Variants in ESRRB observed in about 807,000 individuals in gnomAD.
The protein encoded by ESRRB is estrogen related receptor beta.
Under a neutral mutation model 46.0 loss-of-function variants are expected in ESRRB, and 16 were observed. The observed-to-expected ratio is 0.35, with a 90% confidence interval of 0.24 to 0.53. The LOEUF (loss-of-function observed/expected upper bound fraction) is 0.53. Among genes scored for constraint, ESRRB ranks in the 20% least tolerant of loss-of-function variants. The pLI is 0.93. For missense variants in ESRRB, 488 were observed against 607.4 expected (o/e 0.80, Z 2.07); for synonymous variants, 246 against 259.6 (o/e 0.95, Z 0.50).
At chr14:76,367,546 G>T (rs1301507791), upstream of ESRRB, among the ~76,000 whole-genome samples, 1 of 95,382 alleles carries the variant, frequency 1.0e-5, no homozygotes, top group Non-Finnish European at 2.9e-5. Context: ...GACAGGGGGC[G>T]ATCCTGTCTC....
chr14:76,388,745 G>A (rs1885347369), intron 1 of ESRRB, among the ~76,000 whole-genome samples: 1 of 152,208 alleles, frequency 6.6e-6, no homozygotes, highest in Non-Finnish European at 1.5e-5. Flanking sequence ...CCCATGCCCA[G>A]CCTCTGGAGG....
In ESRRB at chr14:76,364,578, G is replaced by A. The variant is rs748384648; in HGVS notation, c.2+53662G>A. Among the ~76,000 whole-genome samples the A allele has an allele frequency of 6.6e-5, 10 of 152,154 alleles. No homozygotes were observed. In the Middle Eastern group the frequency reaches 0.014, roughly 207 times the overall value. ...GTGGTGGTGCATGCCTGTAATCCCA[G>A]TTACTTGGGAGGCTGAGATGGGAAA... is the stretch of plus-strand genomic sequence containing the variant. On this transcript the variant is annotated intron_variant, in intron 1 of 6. Coordinates refer to the ESRRB transcript ENST00000512784.
At position 76,448,427 on chromosome 14, in the gene ESRRB, C is replaced by T. The variant is rs574955089; in HGVS notation, c.460+8677C>T. ...CACTGCAACCTCCGCCTCCCAGGTC[C>T]AAGTGATTCTTCTGCCTCAACCTCC... On this transcript the variant is annotated intron_variant, in intron 2 of 6. Transcript: ENST00000644823. Among the ~76,000 whole-genome samples the T allele has an allele frequency of 1.9e-4, 29 of 151,790 alleles. 1 individual carries two copies. In the South Asian group the frequency reaches 6.1e-3, roughly 32 times the overall value.
At chr14:76,332,468 C>CTA (rs1176493061) in intron 1 of ESRRB, among the ~76,000 whole-genome samples, 6 of 102,856 alleles carry the variant, frequency 5.8e-5, no homozygotes, top group African/African-American at 1.9e-4. Flanking sequence ...TATATATATT[C>CTA]TATATATATA....
chr14:76,445,719 C>T, intron 2 of ESRRB, among the ~76,000 whole-genome samples: 1 of 146,496 alleles, frequency 6.8e-6, no homozygotes. Flanking sequence ...GAGTCTCGCT[C>T]TGTCACCCAG....
chr14:76,393,310 G>A (rs143768655), intron 1 of ESRRB, among the ~76,000 whole-genome samples: 31 of 152,104 alleles, frequency 2.0e-4, no homozygotes, highest in African/African-American at 6.5e-4. Context: ...TCCAGTAGAC[G>A]CCCCTACTTG....
upstream of ESRRB, among the ~76,000 whole-genome samples, chr14:76,375,155 A>T (rs1245185122): frequency 4.9e-5 from 7 of 142,926 alleles, no homozygotes; most frequent in African/African-American, 1.8e-4. Context: ...TTCTATACCT[A>T]CCCCCCTCCC....
intron 2 of ESRRB, among the ~76,000 whole-genome samples, chr14:76,458,202 G>A (rs915092609): frequency 2.0e-5 from 3 of 152,004 alleles, no homozygotes; most frequent in Non-Finnish European, 2.9e-5. Flanking sequence ...TCAGCTGCAC[G>A]TGTGTGTGCT....
At chr14:76,352,825 C>A (rs1884329153) in intron 1 of ESRRB, among the ~76,000 whole-genome samples, 1 of 152,238 alleles carries the variant, frequency 6.6e-6, no homozygotes, top group African/African-American at 2.4e-5. Flanking sequence ...TTTCTGGGAA[C>A]GCGGGCTCTC....
At chr14:76,483,106 G>A (rs1459470336) in intron 5 of ESRRB, among the ~76,000 whole-genome samples, 1 of 152,184 alleles carries the variant, frequency 6.6e-6, no homozygotes, top group Non-Finnish European at 1.5e-5. Flanking sequence ...CTTATTGGAA[G>A]GATGCCAGAA....
intron 1 of ESRRB, among the ~76,000 whole-genome samples, chr14:76,397,359 C>CTGGGCAGCAGAACCTCCTGGAGTG (rs1885734604): frequency 6.6e-6 from 1 of 152,164 alleles, no homozygotes; most frequent in African/African-American, 2.4e-5. Context: ...CAGGGCCAGT[C>CTGGGCAGCAGAACCTCCTGGAGTG]TGGGCAGCAG....
chr14:76,420,828 T>C (rs1886925038), intron 1 of ESRRB, among the ~76,000 whole-genome samples: 1 of 152,146 alleles, frequency 6.6e-6, no homozygotes, highest in Non-Finnish European at 1.5e-5. Flanking sequence ...TCAAAGTTTC[T>C]AAATTCAGAG....
intron 1 of ESRRB, among the ~76,000 whole-genome samples, chr14:76,392,801 G>A (rs1341554225): frequency 2.6e-5 from 4 of 152,220 alleles, no homozygotes; most frequent in African/African-American, 7.2e-5. Flanking sequence ...TGTTCATGCT[G>A]TGCCAAGAGA....
chr14:76,469,926 GT>G (rs1356927268), intron 3 of ESRRB, among the ~76,000 whole-genome samples: 1 of 67,650 alleles, frequency 1.5e-5, no homozygotes, highest in Admixed American at 1.4e-4. Context: ...TGTGTTTTTT[GT>G]TGTTTTTTTT....
At chr14:76,377,274 G>A (rs1271092616) in intron 1 of ESRRB, among the ~76,000 whole-genome samples, 1 of 152,232 alleles carries the variant, frequency 6.6e-6, no homozygotes. Context: ...AGCGCAGAGT[G>A]GGAAAGTGAA....
intron 1 of ESRRB, among the ~76,000 whole-genome samples, chr14:76,428,272 A>T (rs563392243): frequency 6.6e-6 from 1 of 152,282 alleles, no homozygotes; most frequent in African/African-American, 2.4e-5. Flanking sequence ...CGCTGGGATT[A>T]CAGGTGTGAG....
At chr14:76,490,272 T>G (rs2980895) in intron 5 of ESRRB, among the ~76,000 whole-genome samples, 32,971 of 152,220 alleles carry the variant, frequency 0.22, 4,036 homozygotes, top group Non-Finnish European at 0.28. Flanking sequence ...GTTTGGTGGT[T>G]AAGATGCTTG....
intron 1 of ESRRB, among the ~76,000 whole-genome samples, chr14:76,409,530 G>T (rs906184172): frequency 2.0e-5 from 3 of 148,016 alleles, no homozygotes; most frequent in African/African-American, 7.5e-5. Flanking sequence ...TTGGTTTAAA[G>T]ATCTCAGCTC....
chr14:76,399,174 G>A (rs2139836412), intron 1 of ESRRB, among the ~76,000 whole-genome samples: 1 of 152,184 alleles, frequency 6.6e-6, no homozygotes, highest in East Asian at 1.9e-4. Context: ...AGACGGGGGT[G>A]GCTTGCTGGC....
Sources: allele counts gnomAD v4.1 joint callset (sites outside exome capture counted in the v4.1 genomes callset), GRCh38; gene constraint gnomAD v4.1.1; transcripts MANE v1.5; gene names NCBI Gene and HGNC (gene_info 2026-07-23, HGNC 2026-07-21).